Variants in FAM3B observed in about 807,000 individuals in gnomAD.
FAM3B encodes FAM3 metabolism regulating signaling molecule B.
A neutral mutation model predicts 28.4 loss-of-function variants in FAM3B; 29 were observed. The observed-to-expected ratio is 1.02, with a 90% CI of 0.76 to 1.39. FAM3B has a LOEUF of 1.39. Ranked by LOEUF, FAM3B falls within the 40% of genes most tolerant of loss-of-function variation. The probability of loss-of-function intolerance (pLI) is 0.00; values close to 1 mark genes in which losing one functional copy is unlikely to be tolerated. For synonymous variants in FAM3B, 91 were observed against 103.0 expected, an observed-to-expected ratio of 0.88 and a Z score of 0.71; for missense variants, 266 against 293.9, an observed-to-expected ratio of 0.91 and a Z score of 0.69.
At chr21:41,315,480 C>T (rs1265769788), upstream of FAM3B, among the ~76,000 whole-genome samples, 1 of 142,730 alleles carries the variant, frequency 7.0e-6, no homozygotes, top group East Asian at 2.0e-4. Context: ...AAAAGCCTTA[C>T]CTCTGAAGTC....
At chr21:41,324,316 G>A (rs1413976017) in intron 2 of FAM3B, among the ~76,000 whole-genome samples, 1 of 152,176 alleles carries the variant, frequency 6.6e-6, no homozygotes, top group Non-Finnish European at 1.5e-5. Flanking sequence ...TGAAACAGTA[G>A]AAGCTCTGAT....
intron 4 of FAM3B, 40 bp downstream of exon 4, chr21:41,344,574 T>C (rs891773993): frequency 1.3e-6 from 2 of 1,569,740 alleles, no homozygotes; most frequent in Non-Finnish European, 1.8e-6. Context: ...CTCTAAAAGC[T>C]CTCTGGTCAG....
chr21:41,357,090 CTTCTT>C lies in FAM3B; in HGVS notation c.619-13_619-9del, dbSNP rs757098211. ...ATTAGATTAATGAATAAATAAAACT[CTTCTT>C]TTCTCTACACAGATCAACCACTCTG... On this transcript the variant is annotated splice_polypyrimidine_tract_variant and intron_variant, in intron 7 of 7. Coordinates refer to ENST00000357985, the MANE Select transcript of FAM3B (RefSeq NM_058186.4). 17 of 1,572,746 alleles carry C rather than the reference CTTCTT, an allele frequency of 1.1e-5. No homozygotes were observed. Among genetic ancestry groups the C allele is most frequent in the Non-Finnish European group, 1.4e-5 (16 of 1,154,530 alleles).
Position 41,357,161 on chromosome 21 carries a change from C to A in FAM3B, c.672C>A (p.Ile224=). The change falls in exon 8 of 8, where the codon ATC becomes ATA. Residue 224 remains isoleucine (I), a synonymous_variant. Transcript: ENST00000357985. ...NNRYSGWPAE[I]QIEGCIPKER... The stretch of plus-strand genomic sequence containing the variant: ...GATATTCTGGCTGGCCTGCAGAGAT[C>A]CAGATAGAAGGCTGCATACCCAAAG... The A allele has an allele frequency of 6.2e-7, 1 of 1,613,530 alleles. No individual in the cohort carries two copies. Among genetic ancestry groups the A allele is most frequent in the East Asian group, 2.2e-5 (1 of 44,828 alleles).
intron 6 of FAM3B, among the ~76,000 whole-genome samples, chr21:41,347,529 C>T (rs199614193): frequency 3.3e-5 from 5 of 152,102 alleles, no homozygotes; most frequent in African/African-American, 7.2e-5. Context: ...CCGAGGCAGG[C>T]GGATCACGAG....
chr21:41,327,264 C>G (rs926352360), intron 2 of FAM3B, among the ~76,000 whole-genome samples: 1 of 152,238 alleles, frequency 6.6e-6, no homozygotes, highest in African/African-American at 2.4e-5. Flanking sequence ...AATCTTTCCA[C>G]CATTTCTGGA....
chr21:41,329,675 T>G (rs546040508), intron 2 of FAM3B, among the ~76,000 whole-genome samples: 1 of 152,190 alleles, frequency 6.6e-6, no homozygotes, highest in Non-Finnish European at 1.5e-5. Flanking sequence ...GTTCAAGCGA[T>G]TCTCCTGCCT....
intron 6 of FAM3B, 63 bp from the exon 7 acceptor site, chr21:41,348,529 C>A: frequency 6.3e-7 from 1 of 1,579,564 alleles, no homozygotes; most frequent in Non-Finnish European, 8.7e-7. Context: ...ACATCCAGAG[C>A]AGAGTTCCTC....
intron 7 of FAM3B, among the ~76,000 whole-genome samples, chr21:41,350,615 A>C (rs1394710110): frequency 3.3e-5 from 5 of 152,180 alleles, no homozygotes; most frequent in African/African-American, 1.2e-4. Context: ...GGGTCTCCCC[A>C]AAAACCAGTG....
chr21:41,354,233 C>T (rs2089145451), intron 7 of FAM3B, among the ~76,000 whole-genome samples: 1 of 152,192 alleles, frequency 6.6e-6, no homozygotes, highest in Non-Finnish European at 1.5e-5. Context: ...TGTGGCAATT[C>T]CTCAGAGACC....
At chr21:41,317,694 G>A (rs1241773586) in intron 1 of FAM3B, among the ~76,000 whole-genome samples, 1 of 152,036 alleles carries the variant, frequency 6.6e-6, no homozygotes, top group Admixed American at 6.6e-5. Flanking sequence ...GGGCCTCTTC[G>A]GTAGATCACT....
In FAM3B at chr21:41,348,671, G is replaced by T; in HGVS notation, c.565G>T (p.Val189Leu). The part of the protein sequence containing the change: ...IRNMKFRSSW[V>L]FIAAKGLELP... ...GAACATGAAATTCAGGTCTAGCTGG[G>T]TATTTATTGCAGCAAAAGGCTTGGA... is the stretch of plus-strand genomic sequence containing the variant. Residue 189 changes from valine to leucine, a missense_variant, in exon 7 of 8, where the codon GTA (valine) becomes TTA (leucine). Val to Leu is a conservative substitution (Grantham distance 32). Coordinates refer to ENST00000357985, the MANE Select transcript of FAM3B (RefSeq NM_058186.4). 1.2e-6 allele frequency: 2 copies of T among 1,614,208 alleles called. No homozygotes were observed. Among genetic ancestry groups the T allele is most frequent in the Non-Finnish European group, 1.7e-6 (2 of 1,180,034 alleles).
intron 3 of FAM3B, 52 bp from the exon 4 acceptor site, chr21:41,344,424 G>T: frequency 1.3e-6 from 2 of 1,536,230 alleles, no homozygotes; most frequent in South Asian, 1.1e-5. Context: ...TTCGCGGAGC[G>T]GGGAGAGTCG....
At chr21:41,310,601 T>C (rs1250253022) in intron 1 of FAM3B, among the ~76,000 whole-genome samples, 1 of 152,170 alleles carries the variant, frequency 6.6e-6, no homozygotes, top group Non-Finnish European at 1.5e-5. Context: ...CTGTCTGGGT[T>C]TCTGGCCCTT....
At chr21:41,322,451 A>G (rs749191497) in intron 1 of FAM3B, 40 of 636,154 alleles carry the variant, frequency 6.3e-5, no homozygotes, top group Admixed American at 3.4e-4. Context: ...GGCATCGGCT[A>G]CTATTCCCAG....
At chr21:41,337,771 T>C (rs1251998135) in intron 2 of FAM3B, among the ~76,000 whole-genome samples, 1 of 151,616 alleles carries the variant, frequency 6.6e-6, no homozygotes, top group Non-Finnish European at 1.5e-5. Flanking sequence ...AGATGTGCAG[T>C]ATGTTGTATG....
rs568959749 is a variant in FAM3B at position 41,305,234 on chromosome 21, G to A, written n.99+924G>A. 3.3e-5 allele frequency among the ~76,000 whole-genome samples: 5 copies of A among 152,262 alleles called. No individual in the cohort carries two copies. In the South Asian group the frequency reaches 1.0e-3, roughly 32 times the overall value. ...TTTACAGGGAGATAGAAAAGAAAGT[G>A]GGGTTGGTGCGGGTTCCATGCAGAG... On this transcript the variant is annotated intron_variant and non_coding_transcript_variant, in intron 1 of 9. Coordinates refer to the FAM3B transcript ENST00000479810.
intron 1 of FAM3B, 138 bp from the exon 2 acceptor site, chr21:41,322,784 TC>T: frequency 7.8e-7 from 1 of 1,279,020 alleles, no homozygotes; most frequent in Non-Finnish European, 1.1e-6. Context: ...CCTGGGAGCC[TC>T]CTCCCAGGAG....
At chr21:41,317,825 C>G (rs1293413514) in intron 1 of FAM3B, among the ~76,000 whole-genome samples, 1 of 152,092 alleles carries the variant, frequency 6.6e-6, no homozygotes, top group Non-Finnish European at 1.5e-5. Context: ...GCTCTCTTTT[C>G]TGCACCATTC....
Sources: gnomAD v4.1 joint callset for allele counts (sites outside exome capture counted in the v4.1 genomes callset) on GRCh38, gnomAD v4.1.1 for gene constraint, MANE v1.5 for transcripts, NCBI Gene and HGNC (gene_info 2026-07-23, HGNC 2026-07-21) for gene names.